The following TMEM182 variants were observed in gnomAD, a reference collection of about 807,000 sequenced individuals.
The protein encoded by TMEM182 is transmembrane protein 182.
A neutral mutation model predicts 26.8 loss-of-function variants in TMEM182; 20 were observed. The ratio of observed to expected loss-of-function variants is 0.75; its 90% CI spans 0.53 to 1.09. The LOEUF is 1.09. Ranked by LOEUF, TMEM182 falls within the 50% of genes least tolerant of loss-of-function variation. TMEM182 has a pLI of 0.00. For missense variants in TMEM182, 277 were observed against 275.5 expected (o/e 1.01, Z -0.04); for synonymous variants, 109 against 102.2 (o/e 1.07, Z -0.40).
intron 3 of TMEM182, among the ~76,000 whole-genome samples, chr2:102,793,357 G>C (rs558079041): frequency 6.6e-6 from 1 of 152,308 alleles, no homozygotes; most frequent in East Asian, 1.9e-4. Context: ...GTTCCCATGA[G>C]AGATGGTATG....
At chr2:102,749,679 C>A (rs1679819082) in intron 1 of TMEM182, among the ~76,000 whole-genome samples, 1 of 151,978 alleles carries the variant, frequency 6.6e-6, no homozygotes, top group Non-Finnish European at 1.5e-5. Context: ...TAATTATGTA[C>A]AAAAGAGCAT....
intron 3 of TMEM182, among the ~76,000 whole-genome samples, chr2:102,779,145 T>C (rs936180675): frequency 2.0e-5 from 3 of 152,182 alleles, no homozygotes; most frequent in African/African-American, 7.2e-5. Context: ...AAAAATGTTA[T>C]GCCACTTTTT....
At chr2:102,765,966 T>C (rs2080294) in intron 3 of TMEM182, among the ~76,000 whole-genome samples, 25,339 of 152,118 alleles carry the variant, frequency 0.17, 2,189 homozygotes, top group East Asian at 0.2. Context: ...TAGGAAAGAA[T>C]AGGAGAAACT....
chr2:102,757,132 C>A (rs1680065402), upstream of TMEM182, among the ~76,000 whole-genome samples: 1 of 152,008 alleles, frequency 6.6e-6, no homozygotes, highest in Non-Finnish European at 1.5e-5. Context: ...TTAAGATTGG[C>A]AAGGAGGGAG....
intron 1 of TMEM182, among the ~76,000 whole-genome samples, chr2:102,742,770 G>A (rs925318021): frequency 2.1e-4 from 32 of 152,068 alleles, no homozygotes; most frequent in Admixed American, 1.7e-3. Flanking sequence ...GATATTTAAA[G>A]TGTTAGTAGA....
intron 3 of TMEM182, among the ~76,000 whole-genome samples, chr2:102,830,195 CTAT>C (rs1312110850): frequency 6.6e-6 from 1 of 152,170 alleles, no homozygotes; most frequent in Non-Finnish European, 1.5e-5. Flanking sequence ...AAATCTTTAC[CTAT>C]TATTTTCAGA....
chr2:102,741,992 A>C (rs1679557955), intron 1 of TMEM182, among the ~76,000 whole-genome samples: 1 of 152,242 alleles, frequency 6.6e-6, no homozygotes, highest in East Asian at 1.9e-4. Context: ...AATGTTTACG[A>C]TGTGTGCTAA....
chr2:102,843,110 T>C (rs1221329221), intron 3 of TMEM182, among the ~76,000 whole-genome samples: 1 of 152,228 alleles, frequency 6.6e-6, no homozygotes, highest in East Asian at 1.9e-4. Flanking sequence ...CCTGTTGCCA[T>C]GGCTCCCCGA....
chr2:102,819,141 A>G (rs980832111), downstream of TMEM182, among the ~76,000 whole-genome samples: 2 of 152,176 alleles, frequency 1.3e-5, no homozygotes, highest in Non-Finnish European at 1.5e-5. Context: ...TTATATGACA[A>G]TTCATTTTTT....
chr2:102,753,475 A>G (rs1053040551), intron 1 of TMEM182, among the ~76,000 whole-genome samples: 4 of 152,174 alleles, frequency 2.6e-5, no homozygotes, highest in Non-Finnish European at 4.4e-5. Flanking sequence ...CATCTTAGTT[A>G]AGGCTATTCG....
chr2:102,832,211 A>C (rs1385928508), intron 3 of TMEM182, among the ~76,000 whole-genome samples: 1 of 152,230 alleles, frequency 6.6e-6, no homozygotes, highest in Non-Finnish European at 1.5e-5. Flanking sequence ...TTTCTGGACT[A>C]TAAATTAACT....
intron 1 of TMEM182, among the ~76,000 whole-genome samples, chr2:102,747,869 CA>C (rs1446999835): frequency 3.3e-5 from 5 of 152,204 alleles, no homozygotes; most frequent in African/African-American, 1.2e-4. Flanking sequence ...ATGGAAAATG[CA>C]TTTGTCAGAA....
chr2:102,807,082 G>A (rs748071043), intron 4 of TMEM182, among the ~76,000 whole-genome samples: 9 of 152,310 alleles, frequency 5.9e-5, no homozygotes, highest in South Asian at 2.1e-4. Flanking sequence ...AGAGTACAGA[G>A]CACTGGGTAT....
intron 3 of TMEM182, among the ~76,000 whole-genome samples, chr2:102,779,296 G>T (rs1447419253): frequency 5.9e-5 from 9 of 151,986 alleles, no homozygotes; most frequent in African/African-American, 2.2e-4. Flanking sequence ...CACATGTTTT[G>T]GTGTGTATTT....
At chr2:102,831,244 A>C (rs1373610059) in intron 3 of TMEM182, among the ~76,000 whole-genome samples, 1 of 152,214 alleles carries the variant, frequency 6.6e-6, no homozygotes, top group Non-Finnish European at 1.5e-5. Flanking sequence ...GCTGGATCAT[A>C]TGGTAGCTGA....
intron 2 of TMEM182, 117 bp from the exon 3 acceptor site, chr2:102,764,212 A>G: frequency 1.0e-6 from 1 of 982,758 alleles, no homozygotes; most frequent in Non-Finnish European, 1.5e-6. Context: ...TTGCTGATGG[A>G]ACCAGTAGTT....
At chr2:102,763,888 C>T (rs1185709776) in intron 2 of TMEM182, among the ~76,000 whole-genome samples, 1 of 151,828 alleles carries the variant, frequency 6.6e-6, no homozygotes, top group Non-Finnish European at 1.5e-5. Flanking sequence ...TGCATTCTTC[C>T]CTAAAATAAA....
intron 4 of TMEM182, among the ~76,000 whole-genome samples, chr2:102,805,390 T>C (rs1682307785): frequency 6.6e-6 from 1 of 152,108 alleles, no homozygotes; most frequent in Non-Finnish European, 1.5e-5. Context: ...CACAGAGCCA[T>C]TTCTTTGGAG....
rs1461577179 is a variant in TMEM182 at position 102,817,284 on chromosome 2, T to G, written c.*2316T>G. 2 of 985,304 alleles carry G rather than the reference T, an allele frequency of 2.0e-6. No homozygotes were observed. The highest frequency in any genetic ancestry group is 2.4e-6 in the Non-Finnish European group (2 of 829,896). The allele number at this position is 985,304 out of a possible 1,614,324, so 61.0% of individuals were successfully genotyped here. ...TATTAATTTTTAGAAGCCTTTAAAC[T>G]GTGTTAGAATCTTTTTGAAAAATGT... On this transcript the variant is annotated 3_prime_UTR_variant, in exon 5 of 5. Coordinates refer to ENST00000412401, the MANE Select transcript of TMEM182 (RefSeq NM_144632.5).
Sources: gnomAD v4.1 joint callset for allele counts (sites outside exome capture counted in the v4.1 genomes callset) on GRCh38, gnomAD v4.1.1 for gene constraint, MANE v1.5 for transcripts, NCBI Gene and HGNC (gene_info 2026-07-23, HGNC 2026-07-21) for gene names.